ZNF804B: variants seen among roughly 807,000 people sequenced by gnomAD.
ZNF804B encodes zinc finger protein 804B.
In ZNF804B, 80 loss-of-function variants were observed where a neutral mutation model predicts 101.4. The ratio of observed to expected loss-of-function variants is 0.79; its 90% CI spans 0.66 to 0.95. ZNF804B has a LOEUF of 0.95. Among genes scored for constraint, ZNF804B ranks in the 40% least tolerant of loss-of-function variants. The pLI, the probability that ZNF804B is intolerant of heterozygous loss-of-function variation, is 0.00. For synonymous variants in ZNF804B, 622 were observed against 558.8 expected (o/e 1.11, Z -1.59); for missense variants, 1,673 against 1,561.9 (o/e 1.07, Z -1.20).
chr7:89,014,112 T>A (rs540836696), intron 1 of ZNF804B, among the ~76,000 whole-genome samples: 22 of 152,270 alleles, frequency 1.4e-4, no homozygotes, highest in African/African-American at 5.3e-4. Context: ...TATTTGTAGT[T>A]TTTTAGGAGC....
At chr7:89,078,044 A>T (rs773631157) in intron 1 of ZNF804B, among the ~76,000 whole-genome samples, 1 of 152,254 alleles carries the variant, frequency 6.6e-6, no homozygotes, top group Non-Finnish European at 1.5e-5. Context: ...TACTCTAATT[A>T]AAAAATTCTA....
intron 1 of ZNF804B, among the ~76,000 whole-genome samples, chr7:88,970,349 C>T (rs942223127): frequency 2.1e-5 from 3 of 145,364 alleles, no homozygotes; most frequent in African/African-American, 7.4e-5. Flanking sequence ...CTGATGCCCC[C>T]CCCCCACCCC....
intron 2 of ZNF804B, among the ~76,000 whole-genome samples, chr7:89,240,495 C>T (rs1173747538): frequency 6.6e-6 from 1 of 151,856 alleles, no homozygotes; most frequent in Non-Finnish European, 1.5e-5. Flanking sequence ...AAAATCATTA[C>T]ATAGTTGTCA....
intron 1 of ZNF804B, among the ~76,000 whole-genome samples, chr7:89,024,075 T>G (rs1788708851): frequency 6.6e-6 from 1 of 152,166 alleles, no homozygotes; most frequent in Non-Finnish European, 1.5e-5. Context: ...ATTAAAACAG[T>G]GAAGACCTCA....
intron 1 of ZNF804B, among the ~76,000 whole-genome samples, chr7:88,840,297 G>A (rs1460373791): frequency 6.6e-6 from 1 of 152,052 alleles, no homozygotes; most frequent in Admixed American, 6.6e-5. Flanking sequence ...TCATCATGAA[G>A]GTAATTTGCT....
chr7:88,817,380 T>TA (rs1554337176), intron 1 of ZNF804B, among the ~76,000 whole-genome samples: 1 of 151,648 alleles, frequency 6.6e-6, no homozygotes, highest in African/African-American at 2.4e-5. Flanking sequence ...TAAAGTATAA[T>TA]AAAAAAATTA....
At chr7:88,932,430 A>G (rs1792900856) in intron 1 of ZNF804B, among the ~76,000 whole-genome samples, 1 of 151,986 alleles carries the variant, frequency 6.6e-6, no homozygotes, top group Non-Finnish European at 1.5e-5. Context: ...TGAAACAAAA[A>G]AAATACAAAA....
chr7:88,949,986 T>G (rs1299560623), intron 1 of ZNF804B, among the ~76,000 whole-genome samples: 6 of 151,970 alleles, frequency 3.9e-5, no homozygotes, highest in Non-Finnish European at 7.4e-5. Context: ...TTTCTCAGAA[T>G]GTATACCTGT....
At chr7:88,912,412 G>T (rs1328861959) in intron 1 of ZNF804B, among the ~76,000 whole-genome samples, 1 of 151,894 alleles carries the variant, frequency 6.6e-6, no homozygotes, top group Non-Finnish European at 1.5e-5. Context: ...ATTGTTTGTT[G>T]GTGAGCAACA....
At chr7:89,333,048 A>G (rs1791011425) in intron 3 of ZNF804B, among the ~76,000 whole-genome samples, 1 of 151,978 alleles carries the variant, frequency 6.6e-6, no homozygotes, top group Non-Finnish European at 1.5e-5. Context: ...ATCATGTTAA[A>G]TCTGTATTCC....
intron 1 of ZNF804B, among the ~76,000 whole-genome samples, chr7:89,131,544 T>A (rs749630905): frequency 6.6e-6 from 1 of 151,880 alleles, no homozygotes; most frequent in South Asian, 2.1e-4. Context: ...TCATAGAAGA[T>A]GGGTGAAGGA....
At chr7:89,199,150 CT>C (rs1305123609) in intron 1 of ZNF804B, among the ~76,000 whole-genome samples, 1 of 151,834 alleles carries the variant, frequency 6.6e-6, no homozygotes, top group Non-Finnish European at 1.5e-5. Flanking sequence ...GTACAGATAA[CT>C]ACATCTCTTC....
chr7:88,779,347 C>T, intron 1 of ZNF804B, among the ~76,000 whole-genome samples: 1 of 152,158 alleles, frequency 6.6e-6, no homozygotes. Flanking sequence ...ATGAATAATC[C>T]CTGGATTTAT....
chr7:88,861,678 T>C (rs1018053796), intron 1 of ZNF804B, among the ~76,000 whole-genome samples: 2 of 152,146 alleles, frequency 1.3e-5, no homozygotes, highest in East Asian at 3.9e-4. Flanking sequence ...CTATCGTAGG[T>C]CTGCACTTAC....
At chr7:89,062,291 ACTTCAT>A (rs1310171634) in intron 1 of ZNF804B, among the ~76,000 whole-genome samples, 4 of 152,066 alleles carry the variant, frequency 2.6e-5, no homozygotes, top group African/African-American at 9.7e-5. Context: ...CCCTGTAATT[ACTTCAT>A]CAGCAGCCTC....
At chr7:89,205,370 A>C (rs1788700066) in intron 1 of ZNF804B, among the ~76,000 whole-genome samples, 1 of 152,248 alleles carries the variant, frequency 6.6e-6, no homozygotes, top group East Asian at 1.9e-4. Flanking sequence ...ATTAACCCAA[A>C]AGTTCAAATC....
intron 1 of ZNF804B, among the ~76,000 whole-genome samples, chr7:89,004,212 C>A (rs546352587): frequency 1.3e-3 from 196 of 151,774 alleles, no homozygotes; most frequent in African/African-American, 4.6e-3. Flanking sequence ...ATAAATAATA[C>A]TTAGCCATCA....
At chr7:88,910,416 A>G (rs1481641729) in intron 1 of ZNF804B, among the ~76,000 whole-genome samples, 1 of 151,908 alleles carries the variant, frequency 6.6e-6, no homozygotes, top group Non-Finnish European at 1.5e-5. Context: ...AAGAAAGGTA[A>G]TTAAGTGTCT....
At chr7:89,015,853 G>C (rs1307030163) in intron 1 of ZNF804B, among the ~76,000 whole-genome samples, 2 of 152,182 alleles carry the variant, frequency 1.3e-5, no homozygotes, top group Non-Finnish European at 2.9e-5. Flanking sequence ...TATACACCCA[G>C]TAATGGGATG....
Sources: gnomAD v4.1 joint callset for allele counts (sites outside exome capture counted in the v4.1 genomes callset) on GRCh38, gnomAD v4.1.1 for gene constraint, MANE v1.5 for transcripts, NCBI Gene and HGNC (gene_info 2026-07-23, HGNC 2026-07-21) for gene names.